Variants in CACNA2D1 observed in about 807,000 individuals in gnomAD.
CACNA2D1 encodes the protein calcium voltage-gated channel auxiliary subunit alpha2delta 1, also known as voltage-dependent calcium channel subunit alpha-2/delta-1.
Under a neutral mutation model 171.5 loss-of-function variants are expected in CACNA2D1, and 53 were observed. The observed-to-expected ratio is 0.31, with a 90% CI of 0.25 to 0.39. The LOEUF is 0.39. Among genes scored for constraint, CACNA2D1 ranks in the 10% least tolerant of loss-of-function variants. CACNA2D1 has a pLI of 1.00. For synonymous variants in CACNA2D1, 442 were observed against 443.1 expected (o/e 1.00, Z 0.03); for missense variants, 903 against 1,299.8 (o/e 0.69, Z 4.69).
At chr7:82,274,832 A>T (rs1328745081) in intron 3 of CACNA2D1, among the ~76,000 whole-genome samples, 2 of 150,054 alleles carry the variant, frequency 1.3e-5, no homozygotes, top group Non-Finnish European at 3.0e-5. Context: ...CCAATAGATA[A>T]ATATGTGTTC....
chr7:82,438,913 TTC>T (rs1305683674), intron 1 of CACNA2D1, among the ~76,000 whole-genome samples: 2 of 152,188 alleles, frequency 1.3e-5, no homozygotes, highest in African/African-American at 4.8e-5. Flanking sequence ...AATACTGAAA[TTC>T]TGATTTTTTT....
chr7:82,012,383 A>C (rs1425628897), intron 14 of CACNA2D1, 140 bp from the exon 15 acceptor site: 1 of 647,466 alleles, frequency 1.5e-6, no homozygotes, highest in Non-Finnish European at 2.7e-6. Context: ...TAATCAGTTA[A>C]TTTCTATTTT....
intron 18 of CACNA2D1, chr7:82,001,666 T>C (rs1399631766): frequency 3.2e-6 from 4 of 1,243,480 alleles, no homozygotes; most frequent in Non-Finnish European, 4.3e-6. Context: ...TACCTGGATA[T>C]TGGGTCTCCT....
At chr7:82,227,536 A>C (rs1487716090) in intron 3 of CACNA2D1, among the ~76,000 whole-genome samples, 2 of 152,184 alleles carry the variant, frequency 1.3e-5, no homozygotes, top group African/African-American at 4.8e-5. Flanking sequence ...ACTAGTTTGG[A>C]TTCTCTGGAT....
At chr7:82,319,763 T>C (rs991617454) in intron 3 of CACNA2D1, among the ~76,000 whole-genome samples, 3 of 152,174 alleles carry the variant, frequency 2.0e-5, no homozygotes, top group African/African-American at 7.2e-5. Flanking sequence ...TGGTTCACAA[T>C]AGACCAACAT....
At position 82,081,886 on chromosome 7, in the gene CACNA2D1, G is replaced by A. The variant is rs544865381; in HGVS notation, c.658+2883C>T. Among the ~76,000 whole-genome samples, 8 of 148,432 alleles carry A rather than the reference G, an allele frequency of 5.4e-5. No homozygotes were observed. In the South Asian group the frequency reaches 8.3e-4, roughly 15 times the overall value. On this transcript the variant is annotated intron_variant, in intron 7 of 38. Coordinates refer to ENST00000356860, the MANE Select transcript of CACNA2D1 (RefSeq NM_000722.4). Reference sequence around the variant, plus strand: ...GTGTGAGCAAGTGAGTGCAGGCTCCGGTCCGCCATTCCAAGTGCTGGCACA... The same window carrying A: ...GTGTGAGCAAGTGAGTGCAGGCTCCAGTCCGCCATTCCAAGTGCTGGCACA...
chr7:82,343,200 G>T (rs965114853), intron 2 of CACNA2D1: 1 of 152,132 alleles, frequency 6.6e-6, no homozygotes, highest in Non-Finnish European at 1.5e-5. Context: ...TATTTGCTGT[G>T]ATACAGCTTC....
intron 3 of CACNA2D1, among the ~76,000 whole-genome samples, chr7:82,321,016 T>A (rs1369642947): frequency 6.6e-5 from 10 of 151,768 alleles, no homozygotes; most frequent in Non-Finnish European, 1.0e-4. Flanking sequence ...TTAATGAACC[T>A]TTTAGCTCTA....
chr7:82,129,788 C>T (rs539904683), intron 5 of CACNA2D1, among the ~76,000 whole-genome samples: 1 of 152,232 alleles, frequency 6.6e-6, no homozygotes, highest in Non-Finnish European at 1.5e-5. Context: ...GAAGAAAGGC[C>T]TATCTAGTCT....
Position 82,111,442 on chromosome 7 carries a change from ATATT to A in CACNA2D1, c.526+5598_526+5601del, listed in dbSNP as rs1442419046. Among the ~76,000 whole-genome samples, 112 of 98,804 alleles carry A rather than the reference ATATT, an allele frequency of 1.1e-3. 1 individual carries two copies. Among genetic ancestry groups the A allele is most frequent in the Non-Finnish European group, 1.8e-3 (92 of 49,960 alleles). The allele number at this position is 98,804 out of a possible 152,430, so 64.8% of individuals were successfully genotyped here. ...TATATATGTGTGTATATATATATAT[ATATT>A]TTTTTTTTTTTTTTTTTTTGAGACA... On this transcript the variant is annotated intron_variant, in intron 6 of 38. Transcript: ENST00000356860.
chr7:82,108,780 G>A lies in CACNA2D1; in HGVS notation c.526+8264C>T, dbSNP rs570005213. On this transcript the variant is annotated intron_variant, in intron 6 of 38. Coordinates refer to ENST00000356860, the MANE Select transcript of CACNA2D1 (RefSeq NM_000722.4). ...GAAAGTAAAGGCCATCTTTACCTCA[G>A]AAGTAGAATTGTTTCTCTTTGTGCC... 3.9e-5 allele frequency among the ~76,000 whole-genome samples: 6 copies of A among 152,252 alleles called. No individual in the cohort carries two copies. In the South Asian group the frequency reaches 1.2e-3, roughly 32 times the overall value.
At chr7:82,385,423 C>G (rs546138092) in intron 1 of CACNA2D1, among the ~76,000 whole-genome samples, 1 of 152,276 alleles carries the variant, frequency 6.6e-6, no homozygotes, top group South Asian at 2.1e-4. Flanking sequence ...GATAAATGAA[C>G]ACAAAAGTCT....
intron 27 of CACNA2D1, 137 bp from the exon 28 acceptor site, chr7:81,970,121 T>A: frequency 2.9e-6 from 2 of 682,188 alleles, no homozygotes; most frequent in Non-Finnish European, 5.4e-6. Context: ...ATTGATAGCA[T>A]AACTGATACT....
intron 3 of CACNA2D1, among the ~76,000 whole-genome samples, chr7:82,173,963 A>G (rs74998215): frequency 0.041 from 6,121 of 148,286 alleles, 408 homozygotes; most frequent in African/African-American, 0.15. Context: ...GGGTCACTTG[A>G]ATCCAGGAGT....
intron 27 of CACNA2D1, 99 bp downstream of exon 27, chr7:81,970,576 C>G (rs1795164391): frequency 1.3e-6 from 1 of 764,602 alleles, no homozygotes; most frequent in African/African-American, 1.7e-5. Context: ...TAATGGCAAT[C>G]AGTTTATTTG....
At chr7:82,093,041 C>T (rs1398373569) in intron 6 of CACNA2D1, among the ~76,000 whole-genome samples, 2 of 151,636 alleles carry the variant, frequency 1.3e-5, no homozygotes, top group Non-Finnish European at 2.9e-5. Context: ...GATTTTCTTT[C>T]TGGTGAGGCC....
chr7:82,252,207 T>C (rs1371263655), intron 3 of CACNA2D1, among the ~76,000 whole-genome samples: 1 of 152,144 alleles, frequency 6.6e-6, no homozygotes, highest in African/African-American at 2.4e-5. Context: ...ATAATAAACA[T>C]TTATTTGAGT....
At chr7:82,094,290 G>A (rs753920429) in intron 6 of CACNA2D1, among the ~76,000 whole-genome samples, 9 of 151,706 alleles carry the variant, frequency 5.9e-5, no homozygotes, top group East Asian at 1.9e-4. Flanking sequence ...GATTAATACC[G>A]AATCATAATA....
chr7:82,292,954 A>G (rs182062438), intron 3 of CACNA2D1, among the ~76,000 whole-genome samples: 136 of 152,250 alleles, frequency 8.9e-4, no homozygotes, highest in Middle Eastern at 3.4e-3. Context: ...ACACATACAC[A>G]TTAAAAAATA....
Sources: gnomAD v4.1 joint callset for allele counts (sites outside exome capture counted in the v4.1 genomes callset) on GRCh38, gnomAD v4.1.1 for gene constraint, MANE v1.5 for transcripts, NCBI Gene and HGNC (gene_info 2026-07-23, HGNC 2026-07-21) for gene names.